SUSD1: variants seen among roughly 807,000 people sequenced by gnomAD.
SUSD1 encodes sushi domain containing 1.
SUSD1 carries 65 observed loss-of-function variants against 86.9 expected under a neutral mutation model. The observed-to-expected ratio is 0.75, with a 90% CI of 0.61 to 0.92. The LOEUF (loss-of-function observed/expected upper bound fraction) is 0.92, where lower values mean the gene tolerates loss of function less well. SUSD1 is among the 40% of genes least tolerant of loss of function. The pLI, the probability that SUSD1 is intolerant of heterozygous loss-of-function variation, is 0.00. For synonymous variants in SUSD1, 346 were observed against 350.0 expected, an observed-to-expected ratio of 0.99 and a Z score of 0.13; for missense variants, 850 against 929.7, an observed-to-expected ratio of 0.91 and a Z score of 1.11.
At chr9:112,169,587 C>T (rs191624813) in intron 1 of SUSD1, among the ~76,000 whole-genome samples, 3 of 152,118 alleles carry the variant, frequency 2.0e-5, no homozygotes, top group Admixed American at 1.3e-4. Context: ...CCACACCCTA[C>T]GGTTCACGTC....
chr9:112,055,951 T>C (rs144787380), intron 14 of SUSD1, among the ~76,000 whole-genome samples: 75 of 151,672 alleles, frequency 4.9e-4, no homozygotes, highest in African/African-American at 1.7e-3. Context: ...GTACCTAGAG[T>C]AGTCAAATTC....
chr9:112,086,069 C>T (rs373409105), intron 10 of SUSD1, among the ~76,000 whole-genome samples: 1 of 151,898 alleles, frequency 6.6e-6, no homozygotes, highest in East Asian at 1.9e-4. Flanking sequence ...TTTGAGAGGC[C>T]GAGGTGGAAG....
intron 13 of SUSD1, among the ~76,000 whole-genome samples, chr9:112,061,042 C>A (rs112132193): frequency 1.3e-4 from 20 of 152,306 alleles, no homozygotes; most frequent in Admixed American, 1.2e-3. Flanking sequence ...CCTACTGAAT[C>A]GAAATCTCTA....
intron 2 of SUSD1, 49 bp downstream of exon 2, chr9:112,157,451 C>G: frequency 7.5e-7 from 1 of 1,337,222 alleles, no homozygotes; most frequent in Middle Eastern, 1.8e-4. Context: ...ACAAGAGAAT[C>G]TTGTTTCTCG....
chr9:112,118,813 T>A (rs1421417325), intron 6 of SUSD1, among the ~76,000 whole-genome samples: 1 of 152,226 alleles, frequency 6.6e-6, no homozygotes, highest in Non-Finnish European at 1.5e-5. Flanking sequence ...GTTCGTTATG[T>A]ATCAGTTTTT....
At chr9:112,110,230 T>C (rs1287554166) in intron 8 of SUSD1, among the ~76,000 whole-genome samples, 1 of 152,088 alleles carries the variant, frequency 6.6e-6, no homozygotes, top group Admixed American at 6.5e-5. Context: ...ATGCCTGTAA[T>C]CCCAGCTACT....
In SUSD1 at chr9:112,136,414, C is replaced by T. The variant is rs138828981; in HGVS notation, c.706+5906G>A. Among the ~76,000 whole-genome samples, 221 of 152,116 alleles carry T rather than the reference C, an allele frequency of 1.5e-3. 3 individuals are homozygous for T. In the East Asian group the frequency reaches 0.017, roughly 12 times the overall value. The stretch of plus-strand genomic sequence containing the variant: ...ATGCCCAGACAATGTTATATGTTTT[C>T]GTAGAGACAAGGTCTCACTATGTTT... On this transcript the variant is annotated intron_variant, in intron 5 of 16. Coordinates refer to ENST00000374270, the MANE Select transcript of SUSD1 (RefSeq NM_022486.5).
chr9:112,122,841 A>G (rs2131682717), intron 6 of SUSD1, among the ~76,000 whole-genome samples: 1 of 152,336 alleles, frequency 6.6e-6, no homozygotes, highest in East Asian at 1.9e-4. Flanking sequence ...TATCTTAAAG[A>G]CATTATGCTT....
At chr9:112,169,028 G>T (rs1833932444) in intron 1 of SUSD1, among the ~76,000 whole-genome samples, 1 of 152,036 alleles carries the variant, frequency 6.6e-6, no homozygotes, top group African/African-American at 2.4e-5. Flanking sequence ...ATATAAAATT[G>T]CATTGCTCTT....
intron 14 of SUSD1, among the ~76,000 whole-genome samples, chr9:112,053,578 G>A (rs1256657174): frequency 1.3e-5 from 2 of 150,496 alleles, no homozygotes; most frequent in Non-Finnish European, 3.0e-5. Flanking sequence ...GTTTGAATGT[G>A]ACTAACATTT....
chr9:112,080,690 G>GAAAAAA (rs56022766), intron 10 of SUSD1, among the ~76,000 whole-genome samples: 1 of 122,158 alleles, frequency 8.2e-6, no homozygotes, highest in Non-Finnish European at 1.7e-5. Flanking sequence ...TCTGTCTCAA[G>GAAAAAA]AAAAAAAAAA....
rs202143085 is a variant in SUSD1, at chr9:112,167,308, G to T, written c.103+7825C>A. ...TATAGACACGGGATCTCCCTATGTT[G>T]CCCAGACTGGTCTCTAACTCCTGGG... On this transcript the variant is annotated intron_variant, in intron 1 of 16. Coordinates refer to ENST00000374270, the MANE Select transcript of SUSD1 (RefSeq NM_022486.5). 6.6e-5 allele frequency among the ~76,000 whole-genome samples: 10 copies of T among 152,056 alleles called. No homozygotes were observed. In the East Asian group the frequency reaches 1.9e-3, roughly 29 times the overall value.
chr9:112,149,403 T>C lies in SUSD1; in HGVS notation c.218-4A>G, dbSNP rs750806714. 2 of 1,613,806 alleles carry C rather than the reference T, an allele frequency of 1.2e-6. No individual in the cohort carries two copies. Among genetic ancestry groups the C allele is most frequent in the East Asian group, 2.2e-5 (1 of 44,880 alleles). On this transcript the variant is annotated splice_polypyrimidine_tract_variant and splice_region_variant and intron_variant, in intron 2 of 16. Transcript: ENST00000374270. The stretch of plus-strand genomic sequence containing the variant: ...CCAAACTGGCACTCATTTTTATCTG[T>C]TGACACACAGACAAGGCACCGGAAG...
chr9:112,097,734 C>T (rs1037480722), intron 10 of SUSD1, among the ~76,000 whole-genome samples: 4 of 152,030 alleles, frequency 2.6e-5, no homozygotes, highest in Admixed American at 6.6e-5. Context: ...AACTGCCCAC[C>T]CTGACCCACA....
At chr9:112,124,870 A>C (rs1269106445) in intron 5 of SUSD1, among the ~76,000 whole-genome samples, 1 of 152,242 alleles carries the variant, frequency 6.6e-6, no homozygotes, top group Non-Finnish European at 1.5e-5. Context: ...TTATCTCCTA[A>C]GGATTCAACT....
At chr9:112,075,611 G>T (rs181133606) in intron 12 of SUSD1, among the ~76,000 whole-genome samples, 1 of 152,180 alleles carries the variant, frequency 6.6e-6, no homozygotes, top group East Asian at 1.9e-4. Flanking sequence ...CAGGCATGGT[G>T]GTGAGCGCCT....
At chr9:112,064,125 C>T (rs112861231) in intron 12 of SUSD1, among the ~76,000 whole-genome samples, 7,293 of 151,722 alleles carry the variant, frequency 0.048, 233 homozygotes, top group Admixed American at 0.089. Context: ...CATCTCTAGG[C>T]AAACCTGAGT....
At chr9:112,064,894 A>G (rs1264373191) in intron 12 of SUSD1, among the ~76,000 whole-genome samples, 1 of 151,468 alleles carries the variant, frequency 6.6e-6, no homozygotes, top group African/African-American at 2.4e-5. Context: ...AAAAAAAAAA[A>G]GAAGCCTCAG....
intron 12 of SUSD1, among the ~76,000 whole-genome samples, chr9:112,072,326 T>G (rs1829320249): frequency 6.6e-6 from 1 of 152,010 alleles, no homozygotes; most frequent in South Asian, 2.1e-4. Flanking sequence ...TTTTTGTATT[T>G]TTAGTAGAGA....
Sources: allele counts gnomAD v4.1 joint callset (sites outside exome capture counted in the v4.1 genomes callset), GRCh38; gene constraint gnomAD v4.1.1; transcripts MANE v1.5; gene names NCBI Gene and HGNC (gene_info 2026-07-23, HGNC 2026-07-21).